CRABP2: variants seen among roughly 807,000 people sequenced by gnomAD.
CRABP2 encodes cellular retinoic acid binding protein 2.
A neutral mutation model predicts 17.9 loss-of-function variants in CRABP2; 20 were observed. The observed-to-expected ratio is 1.12, with a 90% CI of 0.79 to 1.63. The LOEUF is 1.63. CRABP2 is among the 40% of genes most tolerant of loss of function. CRABP2 has a pLI of 0.00. For synonymous variants in CRABP2, 76 were observed against 66.4 expected, an observed-to-expected ratio of 1.14 and a Z score of -0.70; for missense variants, 151 against 168.6, an observed-to-expected ratio of 0.90 and a Z score of 0.58.
Position 156,705,522 on chromosome 1 carries a change from G to A in CRABP2, c.-76C>T. ...ACACTGTCTTTTAGTCAAAAGAGACGTCGCCGTCGCCGGGTCGTCAGGTTC... is the reference window on the plus strand; with the variant it reads ...ACACTGTCTTTTAGTCAAAAGAGACATCGCCGTCGCCGGGTCGTCAGGTTC... On this transcript the variant is annotated 5_prime_UTR_variant, in exon 1 of 4. It adds an upstream start codon to the 5' untranslated region. Coordinates refer to ENST00000368222, the MANE Select transcript of CRABP2 (RefSeq NM_001878.4). This position sits in a 1 kb window ranked among gnomAD's most constrained non-coding sequence, Gnocchi z 5.2. The A allele has an allele frequency of 6.6e-7, 1 of 1,518,026 alleles. No individual in the cohort carries two copies. The highest frequency in any genetic ancestry group is 9.1e-7 in the Non-Finnish European group (1 of 1,099,530). The allele number at this position is 1,518,026 out of a possible 1,614,324, so 94.0% of individuals were successfully genotyped here.
rs767678562 is a variant in CRABP2, at chr1:156,700,983, T to C, written c.140A>G (p.Glu47Gly). ...GGTTTTGATGTAGAAAGTGTCTCCCTCCTGTTTGATCTCCACTGCTGGCTT... is the reference window on the plus strand; with the variant it reads ...GGTTTTGATGTAGAAAGTGTCTCCCCCCTGTTTGATCTCCACTGCTGGCTT... ...ASKPAVEIKQ[E>G]GDTFYIKTST... The change falls in exon 2 of 4, where the codon GAG (glutamate) becomes GGG (glycine). Residue 47 changes from glutamate to glycine, a missense_variant. Coordinates refer to ENST00000368222, the MANE Select transcript of CRABP2 (RefSeq NM_001878.4). The C allele has an allele frequency of 6.2e-7, 1 of 1,614,138 alleles. No individual in the cohort carries two copies. The highest frequency in any genetic ancestry group is 1.7e-5 in the Admixed American group (1 of 60,016).
intron 1 of CRABP2, 55 bp from the exon 2 acceptor site, chr1:156,701,107 C>T: frequency 4.4e-6 from 7 of 1,576,604 alleles, no homozygotes; most frequent in South Asian, 1.2e-5. Flanking sequence ...ACCTCTCTCA[C>T]ACCCTCCCCA....
rs1647968612 is a variant in CRABP2, at chr1:156,699,741, G to T, written c.*285C>A. ...CTCAAGTCCCCTTTAGAGAGACCCT[G>T]CTCTGGGCTGGTTTGGGGCTAGGAC... On this transcript the variant is annotated 3_prime_UTR_variant, in exon 4 of 4. Coordinates refer to ENST00000368222, the MANE Select transcript of CRABP2 (RefSeq NM_001878.4). The T allele has an allele frequency of 4.3e-6, 2 of 463,598 alleles. No homozygotes were observed. The highest frequency in any genetic ancestry group is 7.8e-6 in the Non-Finnish European group (2 of 255,028). 28.7% of individuals were successfully genotyped at this position (463,598 alleles called of 1,614,324 possible). A position where few individuals can be genotyped will look rare whatever the true frequency, so the allele number is the denominator to read the frequency against.
In CRABP2 at chr1:156,699,840, T is replaced by C; in HGVS notation, c.*186A>G. 3.5e-6 allele frequency: 2 copies of C among 579,412 alleles called. No homozygotes were observed. Among genetic ancestry groups the C allele is most frequent in the East Asian group, 3.0e-5 (1 of 33,578 alleles). The allele number at this position is 579,412 out of a possible 1,614,324, so 35.9% of individuals were successfully genotyped here. ...TCTTGCAGCCATTCCTCTTTGTTGG[T>C]GTAGGGGAGGAGAGAAGAGGTCAAA... On this transcript the variant is annotated 3_prime_UTR_variant, in exon 4 of 4. Coordinates refer to ENST00000368222, the MANE Select transcript of CRABP2 (RefSeq NM_001878.4).
chr1:156,705,616 C>T, upstream of CRABP2: 2 of 665,010 alleles, frequency 3.0e-6, no homozygotes, highest in Non-Finnish European at 5.1e-6. The surrounding 1 kb of genome is among the most constrained non-coding windows in gnomAD (Gnocchi z 5.2). Context: ...GCTTTTATAC[C>T]CTGTACGGAA....
chr1:156,705,677 C>G (rs900283019), upstream of CRABP2: 5 of 486,114 alleles, frequency 1.0e-5, no homozygotes, highest in Admixed American at 3.3e-5. This position sits in a 1 kb window ranked among gnomAD's most constrained non-coding sequence, Gnocchi z 5.2. Context: ...CGCCCCCCCC[C>G]ACCTGGGGGG....
chr1:156,700,700 G>C, intron 2 of CRABP2, 42 bp from the exon 3 acceptor site: 1 of 1,574,744 alleles, frequency 6.4e-7, no homozygotes, highest in South Asian at 1.1e-5. Flanking sequence ...CCCATAGCAG[G>C]GGCAATGCAG....
intron 1 of CRABP2, among the ~76,000 whole-genome samples, chr1:156,703,151 C>A (rs1359782057): frequency 6.6e-6 from 1 of 152,028 alleles, no homozygotes; most frequent in East Asian, 1.9e-4. Flanking sequence ...CTCAAGGGAA[C>A]CCCCTCTGCT....
chr1:156,702,675 G>A (rs918621432), intron 1 of CRABP2, among the ~76,000 whole-genome samples: 1 of 151,674 alleles, frequency 6.6e-6, no homozygotes, highest in Non-Finnish European at 1.5e-5. Flanking sequence ...GGGAGGCTGA[G>A]GCGGGAGAAT....
chr1:156,705,391 A>ACTCG lies in CRABP2; in HGVS notation c.55_56insCGAG (p.Leu19SerfsTer48). The ACTCG allele has an allele frequency of 6.2e-7, 1 of 1,613,916 alleles. No individual in the cohort carries two copies. Among genetic ancestry groups the ACTCG allele is most frequent in the South Asian group, 1.1e-5 (1 of 91,068 alleles). On this transcript the variant is annotated frameshift_variant, in exon 1 of 4. Transcript: ENST00000368222. LOFTEE classifies it high-confidence loss of function. The surrounding 1 kb of genome is among the most constrained non-coding windows in gnomAD (Gnocchi z 5.2). ...CATTTCCTTACCCAGCACTTTGAGC[A>ACTCG]ATTCCTCGAAGTTTTCCGATCGGAT...
In CRABP2 at chr1:156,699,852, G is replaced by A. The variant is rs376164788; in HGVS notation, c.*174C>T. On this transcript the variant is annotated 3_prime_UTR_variant, in exon 4 of 4. Coordinates refer to ENST00000368222, the MANE Select transcript of CRABP2 (RefSeq NM_001878.4). ...TCCTCTTTGTTGGTGTAGGGGAGGA[G>A]AGAAGAGGTCAAAGAAAGCAAGACC... is the stretch of plus-strand genomic sequence containing the variant. The A allele has an allele frequency of 1.6e-6, 1 of 621,830 alleles. No individual in the cohort carries two copies. Among genetic ancestry groups the A allele is most frequent in the Non-Finnish European group, 2.8e-6 (1 of 353,252 alleles). The allele number at this position is 621,830 out of a possible 1,614,324, so 38.5% of individuals were successfully genotyped here.
Position 156,705,510 on chromosome 1 carries a change from G to A in CRABP2, c.-64C>T, listed in dbSNP as rs1187473227. Reference sequence around the variant, plus strand: ...CTGGAGCACTGGACACTGTCTTTTAGTCAAAAGAGACGTCGCCGTCGCCGG... The same window carrying A: ...CTGGAGCACTGGACACTGTCTTTTAATCAAAAGAGACGTCGCCGTCGCCGG... On this transcript the variant is annotated 5_prime_UTR_variant, in exon 1 of 4. Transcript: ENST00000368222. The surrounding 1 kb of genome is among the most constrained non-coding windows in gnomAD (Gnocchi z 5.2). 4 of 1,564,288 alleles carry A rather than the reference G, an allele frequency of 2.6e-6. No individual in the cohort carries two copies. The highest frequency in any genetic ancestry group is 3.5e-6 in the Non-Finnish European group (4 of 1,137,582).
chr1:156,700,832 G>A (rs753507448), intron 2 of CRABP2, 42 bp downstream of exon 2: 3 of 1,596,006 alleles, frequency 1.9e-6, no homozygotes, highest in Non-Finnish European at 1.7e-6. Flanking sequence ...TTGAGAGGCA[G>A]GGCAATGACG....
intron 1 of CRABP2, among the ~76,000 whole-genome samples, chr1:156,704,622 T>C (rs752210998): frequency 3.3e-5 from 5 of 152,128 alleles, no homozygotes; most frequent in African/African-American, 9.7e-5. Flanking sequence ...ACACACCCAA[T>C]TGGGCTGCAG....
At chr1:156,702,505 GC>G (rs751433209) in intron 1 of CRABP2, among the ~76,000 whole-genome samples, 13 of 152,094 alleles carry the variant, frequency 8.5e-5, no homozygotes, top group Admixed American at 2.6e-4. Context: ...TGGCGCAGTG[GC>G]CCATGCCTGT....
intron 1 of CRABP2, 96 bp from the exon 2 acceptor site, chr1:156,701,148 T>C (rs1648020855): frequency 7.2e-7 from 1 of 1,392,664 alleles, no homozygotes; most frequent in Non-Finnish European, 9.8e-7. Flanking sequence ...GATTTGTGAC[T>C]TGCTTGGGGT....
chr1:156,702,364 G>A (rs1207973881), intron 1 of CRABP2, among the ~76,000 whole-genome samples: 3 of 151,994 alleles, frequency 2.0e-5, no homozygotes, highest in African/African-American at 7.2e-5. Flanking sequence ...GGCTGGGGTA[G>A]GAGAATCACT....
chr1:156,700,975 T>C lies in CRABP2; in HGVS notation c.148A>G (p.Thr50Ala), dbSNP rs765144500. ...PAVEIKQEGD[T>A]FYIKTSTTVR... The stretch of plus-strand genomic sequence containing the variant: ...GTGGTGGAGGTTTTGATGTAGAAAG[T>C]GTCTCCCTCCTGTTTGATCTCCACT... The change falls in exon 2 of 4, where the codon ACT becomes GCT. Residue 50 changes from threonine to alanine, a missense_variant. Thr to Ala is a moderately conservative substitution (Grantham distance 58). Transcript: ENST00000368222. 2 of 1,614,178 alleles carry C rather than the reference T, an allele frequency of 1.2e-6. No individual in the cohort carries two copies. The highest frequency in any genetic ancestry group is 1.7e-6 in the Non-Finnish European group (2 of 1,180,030).
At position 156,701,815 on chromosome 1, in the gene CRABP2, A is replaced by G. The variant is rs77001097; in HGVS notation, c.71-763T>C. On this transcript the variant is annotated intron_variant, in intron 1 of 3. Transcript: ENST00000368222. The stretch of plus-strand genomic sequence containing the variant: ...AACCACCCTGAGCCTTAGATTCCTC[A>G]ATTGTAAAATGGAAATAACAGCTTC... 6.3e-4 allele frequency among the ~76,000 whole-genome samples: 96 copies of G among 152,194 alleles called. 2 individuals are homozygous for G. In the East Asian group the frequency reaches 0.017, roughly 27 times the overall value.
Sources: allele counts gnomAD v4.1 joint callset (sites outside exome capture counted in the v4.1 genomes callset), GRCh38; gene constraint gnomAD v4.1.1; non-coding constraint Gnocchi (gnomAD v3.1); transcripts MANE v1.5; gene names NCBI Gene and HGNC (gene_info 2026-07-23, HGNC 2026-07-21).